The following KIF26B variants were observed in gnomAD, a reference collection of about 807,000 sequenced individuals.
KIF26B encodes kinesin family member 26B.
In KIF26B, 63 loss-of-function variants were observed where a neutral mutation model predicts 151.2. The ratio of observed to expected loss-of-function variants is 0.42; its 90% confidence interval spans 0.34 to 0.51. KIF26B has a LOEUF of 0.51. KIF26B is among the 20% of genes least tolerant of loss of function. The probability of loss-of-function intolerance (pLI) is 0.07; values close to 1 mark genes in which losing one functional copy is unlikely to be tolerated. For missense variants in KIF26B, 2,813 were observed against 2,913.6 expected (o/e 0.97, Z 0.79); for synonymous variants, 1,357 against 1,262.1 (o/e 1.08, Z -1.59).
chr1:245,353,055 A>G (rs1672604615), intron 2 of KIF26B, among the ~76,000 whole-genome samples: 1 of 152,216 alleles, frequency 6.6e-6, no homozygotes, highest in Non-Finnish European at 1.5e-5. Flanking sequence ...ATGTATATGA[A>G]TTGATTGATT....
chr1:245,156,157 A>T (rs1668427544), intron 1 of KIF26B, 125 bp from the exon 2 acceptor site: 2 of 1,385,468 alleles, frequency 1.4e-6, no homozygotes, highest in Non-Finnish European at 1.9e-6. Flanking sequence ...CAGGGCTTGG[A>T]GAGGTCCCCA....
At chr1:245,637,396 C>T (rs2043846617) in intron 9 of KIF26B, among the ~76,000 whole-genome samples, 3 of 151,826 alleles carry the variant, frequency 2.0e-5, no homozygotes, top group South Asian at 4.1e-4. Context: ...TGTTTGAATT[C>T]CTCATATATT....
chr1:245,470,550 C>T (rs1217388871), intron 4 of KIF26B, among the ~76,000 whole-genome samples: 1 of 152,188 alleles, frequency 6.6e-6, no homozygotes, highest in African/African-American at 2.4e-5. Context: ...CCTGCCTCAG[C>T]CTCCCGAGTA....
chr1:245,553,745 C>T (rs1572122989), intron 5 of KIF26B, among the ~76,000 whole-genome samples: 1 of 152,166 alleles, frequency 6.6e-6, no homozygotes, highest in Non-Finnish European at 1.5e-5. Context: ...AAGGCGGGGA[C>T]AGCACCCTGG....
At chr1:245,382,258 G>A (rs1189868922) in intron 3 of KIF26B, among the ~76,000 whole-genome samples, 1 of 152,106 alleles carries the variant, frequency 6.6e-6, no homozygotes, top group African/African-American at 2.4e-5. Flanking sequence ...CCATCCTAAT[G>A]GGTGTGAGGT....
chr1:245,289,696 G>A (rs905460150), intron 2 of KIF26B, among the ~76,000 whole-genome samples: 1 of 91,056 alleles, frequency 1.1e-5, no homozygotes, highest in African/African-American at 4.6e-5. Context: ...TTGATGTGGT[G>A]ATAGGATTCC....
intron 5 of KIF26B, among the ~76,000 whole-genome samples, chr1:245,556,603 T>C (rs1401771950): frequency 6.6e-6 from 1 of 152,190 alleles, no homozygotes; most frequent in Non-Finnish European, 1.5e-5. Flanking sequence ...GGTTTTGCCA[T>C]GTTGCCCAGG....
At chr1:245,356,367 C>T (rs1042354246) in intron 2 of KIF26B, among the ~76,000 whole-genome samples, 1 of 151,982 alleles carries the variant, frequency 6.6e-6, no homozygotes, top group Non-Finnish European at 1.5e-5. Context: ...AGCAGCCTGG[C>T]CAACATGGTG....
chr1:245,160,391 C>G (rs1307435273), intron 2 of KIF26B, among the ~76,000 whole-genome samples: 1 of 152,190 alleles, frequency 6.6e-6, no homozygotes, highest in Non-Finnish European at 1.5e-5. Flanking sequence ...AAAACCATTT[C>G]ATGTCCAATG....
intron 9 of KIF26B, among the ~76,000 whole-genome samples, chr1:245,617,987 T>C (rs747095328): frequency 1.4e-4 from 22 of 152,054 alleles, no homozygotes; most frequent in Non-Finnish European, 2.6e-4. Context: ...ACCTCACCAA[T>C]TGGGACCCCC....
intron 5 of KIF26B, among the ~76,000 whole-genome samples, chr1:245,575,738 C>G (rs1013867641): frequency 6.6e-6 from 1 of 152,078 alleles, no homozygotes; most frequent in Non-Finnish European, 1.5e-5. Context: ...TTAGTGCTGT[C>G]AATATCATAA....
At chr1:245,295,367 C>T (rs971572804) in intron 2 of KIF26B, among the ~76,000 whole-genome samples, 5 of 152,108 alleles carry the variant, frequency 3.3e-5, no homozygotes, top group South Asian at 2.1e-4. Context: ...GTGATACAGA[C>T]GCAGGCTTAG....
chr1:245,197,529 G>A (rs1669217274), intron 2 of KIF26B, among the ~76,000 whole-genome samples: 1 of 152,122 alleles, frequency 6.6e-6, no homozygotes, highest in Non-Finnish European at 1.5e-5. Context: ...CACTTCAGAA[G>A]TCTCATGGCT....
At chr1:245,344,494 C>CA (rs57007301) in intron 2 of KIF26B, among the ~76,000 whole-genome samples, 3,200 of 39,606 alleles carry the variant, frequency 0.081, 340 homozygotes, top group Non-Finnish European at 0.14. Flanking sequence ...GACTCCGTCT[C>CA]AAAAAAAAAA....
intron 10 of KIF26B, among the ~76,000 whole-genome samples, chr1:245,668,296 T>A (rs1386820181): frequency 6.6e-6 from 1 of 152,142 alleles, no homozygotes. Flanking sequence ...ACAAACTACA[T>A]TTATCCCATG....
chr1:245,646,694 C>T (rs2043951547), intron 10 of KIF26B, among the ~76,000 whole-genome samples: 1 of 152,110 alleles, frequency 6.6e-6, no homozygotes, highest in Admixed American at 6.5e-5. Flanking sequence ...CAGGCAAATT[C>T]AAATTTCAGA....
At chr1:245,596,345 TC>T (rs1484312775) in intron 5 of KIF26B, among the ~76,000 whole-genome samples, 9 of 152,220 alleles carry the variant, frequency 5.9e-5, no homozygotes, top group Non-Finnish European at 1.2e-4. Flanking sequence ...TCCCAGAGAT[TC>T]TGGTATGTTG....
intron 2 of KIF26B, among the ~76,000 whole-genome samples, chr1:245,198,722 G>A (rs1475468101): frequency 5.5e-5 from 8 of 144,696 alleles, no homozygotes; most frequent in Non-Finnish European, 3.0e-5. Flanking sequence ...GAGAGACTCC[G>A]TCTCAAAAAA....
intron 4 of KIF26B, among the ~76,000 whole-genome samples, chr1:245,451,691 C>T (rs1659398125): frequency 6.8e-6 from 1 of 147,598 alleles, no homozygotes; most frequent in South Asian, 2.2e-4. Context: ...ACCTCTGCCT[C>T]CTGGGTTCAA....
Sources: gnomAD v4.1 joint callset for allele counts (sites outside exome capture counted in the v4.1 genomes callset) on GRCh38, gnomAD v4.1.1 for gene constraint, MANE v1.5 for transcripts, NCBI Gene and HGNC (gene_info 2026-07-23, HGNC 2026-07-21) for gene names.